The following PCSK5 variants were observed in gnomAD, a reference collection of about 807,000 sequenced individuals.
The protein encoded by PCSK5 is prohormone convertase 5.
In PCSK5, 129 loss-of-function variants were observed where a neutral mutation model predicts 233.2. The observed-to-expected ratio is 0.55, with a 90% confidence interval of 0.48 to 0.64. The LOEUF (loss-of-function observed/expected upper bound fraction) is 0.64, where lower values mean the gene tolerates loss of function less well. PCSK5 is among the 30% of genes least tolerant of loss of function. The pLI, the probability that PCSK5 is intolerant of heterozygous loss-of-function variation, is 0.00. For missense variants in PCSK5, 2,076 were observed against 2,430.1 expected, an observed-to-expected ratio of 0.85 and a Z score of 3.06; for synonymous variants, 825 against 879.2, an observed-to-expected ratio of 0.94 and a Z score of 1.09.
intron 3 of PCSK5, among the ~76,000 whole-genome samples, chr9:76,005,939 G>A (rs1827457842): frequency 6.6e-6 from 1 of 151,958 alleles, no homozygotes; most frequent in Admixed American, 6.6e-5. Context: ...TCAGATTCCT[G>A]GGCTCAAGTG....
chr9:76,214,143 T>C (rs143664956), intron 20 of PCSK5, among the ~76,000 whole-genome samples: 31 of 152,288 alleles, frequency 2.0e-4, no homozygotes, highest in Admixed American at 7.9e-4. Flanking sequence ...TGATAGTTGA[T>C]GTGAGCTGAT....
Position 76,351,444 on chromosome 9 carries a change from A to AAAGAAAGGAAAG in PCSK5, c.5067+519_5067+520insAAAGGAAAGAAG, listed in dbSNP as rs1312049212. ...ACCGCCCCCCCCTGCAATGTGAAAG[A>AAAGAAAGGAAAG]AAGGAAAGAAAGAAAGAAAGAAAGA... On this transcript the variant is annotated intron_variant, in intron 36 of 37. Coordinates refer to ENST00000674117, the MANE Select transcript of PCSK5 (RefSeq NM_001372043.1). Among the ~76,000 whole-genome samples, 7 of 28,138 alleles carry AAAGAAAGGAAAG rather than the reference A, an allele frequency of 2.5e-4. 2 individuals carry two copies. Among genetic ancestry groups the AAAGAAAGGAAAG allele is most frequent in the African/African-American group, 6.2e-4 (7 of 11,228 alleles). 18.5% of individuals were successfully genotyped at this position (28,138 alleles called of 152,430 possible).
chr9:76,256,365 T>G (rs1332609528), intron 24 of PCSK5, among the ~76,000 whole-genome samples: 1 of 152,216 alleles, frequency 6.6e-6, no homozygotes, highest in Non-Finnish European at 1.5e-5. Context: ...CACGTAAGCT[T>G]GCAGAGAGAA....
intron 1 of PCSK5, among the ~76,000 whole-genome samples, chr9:75,925,583 G>A (rs1204869983): frequency 6.6e-6 from 1 of 152,184 alleles, no homozygotes; most frequent in Non-Finnish European, 1.5e-5. Context: ...TGCCAGAGGG[G>A]CAACAGTAAT....
intron 1 of PCSK5, among the ~76,000 whole-genome samples, chr9:75,911,947 C>T (rs1822757058): frequency 6.6e-6 from 1 of 152,156 alleles, no homozygotes; most frequent in African/African-American, 2.4e-5. Context: ...TATTTCATCT[C>T]TTGATAGAAG....
chr9:76,060,576 G>T (rs1304709424), intron 5 of PCSK5, among the ~76,000 whole-genome samples: 1 of 152,126 alleles, frequency 6.6e-6, no homozygotes, highest in African/African-American at 2.4e-5. Context: ...AACTGTATTT[G>T]TAAATCTAGA....
At chr9:76,128,053 G>C (rs67546252) in intron 9 of PCSK5, among the ~76,000 whole-genome samples, 15,517 of 152,202 alleles carry the variant, frequency 0.1, 1,018 homozygotes, top group Non-Finnish European at 0.14. Flanking sequence ...AGAAATGAGG[G>C]GGGTAACCAT....
intron 24 of PCSK5, among the ~76,000 whole-genome samples, chr9:76,273,484 C>A (rs559478447): frequency 6.6e-6 from 1 of 150,570 alleles, no homozygotes; most frequent in East Asian, 2.0e-4. Flanking sequence ...TATCACTCTC[C>A]CTGGGCTAAC....
rs762598202 is a variant in PCSK5, at chr9:76,338,346, G to T, written c.4865G>T (p.Arg1622Leu). ...TGCGATAGATTTTTCTTTCTGCTCCGCTCCAAAGGAGAGTGTCATCGCTCC... is the reference window on the plus strand; with the variant it reads ...TGCGATAGATTTTTCTTTCTGCTCCTCTCCAAAGGAGAGTGTCATCGCTCC... ...LSCDRFFFLL[R>L]SKGECHRSCP... Residue 1622 changes from arginine to leucine, a missense_variant, in exon 35 of 38, where the codon CGC (arginine) becomes CTC (leucine). This residue lies in a region of PCSK5 where 1,510 missense variants were observed against 1,538.1 expected (regional missense o/e 0.98). Transcript: ENST00000674117. 6.2e-7 allele frequency: 1 copy of T among 1,612,526 alleles called. No homozygotes were observed. Among genetic ancestry groups the T allele is most frequent in the Non-Finnish European group, 8.5e-7 (1 of 1,179,656 alleles).
intron 20 of PCSK5, among the ~76,000 whole-genome samples, chr9:76,201,221 T>G (rs981880688): frequency 2.0e-5 from 3 of 152,150 alleles, no homozygotes; most frequent in Non-Finnish European, 4.4e-5. Flanking sequence ...CCCTCTAAAC[T>G]GTCATCACCA....
chr9:76,046,183 T>TTTTG (rs1829381142), intron 5 of PCSK5, among the ~76,000 whole-genome samples: 1 of 120,548 alleles, frequency 8.3e-6, no homozygotes, highest in South Asian at 2.9e-4. Flanking sequence ...TTTTTTTTTT[T>TTTTG]TTTTTTTTTT....
At chr9:76,126,315 C>T (rs1290094360) in intron 9 of PCSK5, among the ~76,000 whole-genome samples, 2 of 151,988 alleles carry the variant, frequency 1.3e-5, no homozygotes, top group African/African-American at 4.8e-5. Flanking sequence ...ATAATTCAGC[C>T]ATAAAAAAAT....
rs200579439 is a variant in PCSK5, at chr9:75,902,214, T to TAAAAAAAAAAAAAA, written c.192+10857_192+10870dup. Among the ~76,000 whole-genome samples the TAAAAAAAAAAAAAA allele has an allele frequency of 5.4e-3, 285 of 53,232 alleles. 4 individuals carry two copies. Among genetic ancestry groups the TAAAAAAAAAAAAAA allele is most frequent in the Middle Eastern group, 0.014 (1 of 72 alleles). 34.9% of individuals were successfully genotyped at this position (53,232 alleles called of 152,430 possible). A position where few individuals can be genotyped will look rare whatever the true frequency, so the allele number is the denominator to read the frequency against. ...CTGGGTGACAGAGTGAGACACCATC[T>TAAAAAAAAAAAAAA]AAAAAAAAAAAAAAAAAAAAAAAAA... On this transcript the variant is annotated intron_variant, in intron 1 of 37. Transcript: ENST00000674117.
chr9:76,142,843 T>C (rs543824409), intron 10 of PCSK5, among the ~76,000 whole-genome samples: 1 of 152,326 alleles, frequency 6.6e-6, no homozygotes, highest in South Asian at 2.1e-4. Context: ...TTCTTTGTAG[T>C]CTGTTTTCTC....
At chr9:76,109,439 T>A (rs75429835) in intron 9 of PCSK5, among the ~76,000 whole-genome samples, 33,396 of 150,830 alleles carry the variant, frequency 0.22, 3,957 homozygotes, top group East Asian at 0.4. Flanking sequence ...ATTATTTTTT[T>A]AAAAAAAAAA....
At chr9:76,346,733 A>T (rs931700776) in intron 35 of PCSK5, among the ~76,000 whole-genome samples, 5 of 152,120 alleles carry the variant, frequency 3.3e-5, no homozygotes, top group African/African-American at 1.2e-4. Flanking sequence ...TTCTCACGGG[A>T]TATAAACTAG....
intron 5 of PCSK5, among the ~76,000 whole-genome samples, chr9:76,064,046 C>T (rs1166578466): frequency 8.5e-5 from 9 of 106,104 alleles, no homozygotes; most frequent in African/African-American, 3.4e-4. Context: ...GGCAGCTGGC[C>T]GGGCAGAGGG....
At chr9:76,194,735 T>C (rs2131258192) in intron 20 of PCSK5, 1 of 465,166 alleles carries the variant, frequency 2.1e-6, no homozygotes, top group East Asian at 7.1e-5. Context: ...ATAGATCTTT[T>C]GACAGTTTCT....
intron 2 of PCSK5, among the ~76,000 whole-genome samples, chr9:75,935,593 C>A (rs1294530496): frequency 6.6e-6 from 1 of 152,078 alleles, no homozygotes; most frequent in Non-Finnish European, 1.5e-5. Context: ...TTTTTGATTG[C>A]CTCTTTTCAG....
Sources: gnomAD v4.1 joint callset for allele counts (sites outside exome capture counted in the v4.1 genomes callset) on GRCh38, gnomAD v4.1.1 for gene constraint, gnomAD v4.1.1 regional missense constraint, MANE v1.5 for transcripts, NCBI Gene and HGNC (gene_info 2026-07-23, HGNC 2026-07-21) for gene names.